The following CUX1 variants were observed in gnomAD, a reference collection of about 807,000 sequenced individuals.
CUX1 encodes the protein cut like homeobox 1.
CUX1 carries 31 observed loss-of-function variants against 158.8 expected under a neutral mutation model. The observed-to-expected ratio is 0.20, with a 90% CI of 0.15 to 0.26. CUX1 has a LOEUF of 0.26. Among genes scored for constraint, CUX1 ranks in the 10% least tolerant of loss-of-function variants. CUX1 has a pLI of 1.00. For missense variants in CUX1, 1,589 were observed against 2,014.6 expected (o/e 0.79, Z 4.04); for synonymous variants, 879 against 862.1 (o/e 1.02, Z -0.34).
intron 8 of CUX1, chr7:102,153,390 CA>C (rs1318226685): frequency 2.0e-5 from 3 of 152,318 alleles, no homozygotes; most frequent in African/African-American, 7.2e-5. Flanking sequence ...TGAAAGCAGC[CA>C]GGGGCGGGCC....
At chr7:101,920,857 A>G (rs1158202182) in intron 2 of CUX1, among the ~76,000 whole-genome samples, 1 of 152,076 alleles carries the variant, frequency 6.6e-6, no homozygotes, top group Non-Finnish European at 1.5e-5. Flanking sequence ...ATTGCTTTCT[A>G]TATTTTTGTT....
rs78367796 is a variant in CUX1, at chr7:102,227,834, G to A, written c.3433+165G>A. On this transcript the variant is annotated intron_variant, in intron 21 of 23. Transcript: ENST00000292535. ...AGTTGTGAACAGTAAGGAGCGTGCC[G>A]TCTGCAGGTCAGTCCCCACCTCCTC... Among the ~76,000 whole-genome samples the A allele has an allele frequency of 3.5e-3, 528 of 152,220 alleles. 6 individuals carry two copies. Among genetic ancestry groups the A allele is most frequent in the African/African-American group, 0.012 (489 of 41,548 alleles).
chr7:101,835,570 A>T (rs772156349), intron 1 of CUX1, among the ~76,000 whole-genome samples: 23 of 151,870 alleles, frequency 1.5e-4, no homozygotes, highest in Non-Finnish European at 2.8e-4. Context: ...TATTTTATTT[A>T]TTTATTTTTT....
chr7:101,928,114 A>G (rs1805830743), intron 2 of CUX1, among the ~76,000 whole-genome samples: 1 of 152,208 alleles, frequency 6.6e-6, no homozygotes, highest in East Asian at 1.9e-4. Context: ...AAAGGGAAGC[A>G]CTGTCATTAG....
chr7:101,833,020 C>T (rs1456539339), intron 1 of CUX1, among the ~76,000 whole-genome samples: 1 of 152,088 alleles, frequency 6.6e-6, no homozygotes, highest in Non-Finnish European at 1.5e-5. Flanking sequence ...GGGGCTGGTT[C>T]CCTGAGAGCA....
intron 2 of CUX1, among the ~76,000 whole-genome samples, chr7:102,012,959 A>T (rs1490502782): frequency 1.3e-5 from 2 of 152,176 alleles, no homozygotes; most frequent in Non-Finnish European, 2.9e-5. Flanking sequence ...TGTGATAAGA[A>T]ACACCTAATT....
intron 1 of CUX1, among the ~76,000 whole-genome samples, chr7:101,904,332 A>C (rs553715744): frequency 6.6e-6 from 1 of 152,198 alleles, no homozygotes; most frequent in South Asian, 2.1e-4. Flanking sequence ...TTATATACTG[A>C]GAAATTTTGT....
Position 101,997,062 on chromosome 7 carries a change from C to T in CUX1, c.142-31036C>T, listed in dbSNP as rs546968001. Among the ~76,000 whole-genome samples the T allele has an allele frequency of 2.6e-3, 403 of 152,258 alleles. 7 individuals are homozygous for T. The highest frequency in any genetic ancestry group is 9.2e-3 in the African/African-American group (381 of 41,508). ...TGGCTCTTGTCTTGTGTCCTCTGAC[C>T]GCCCATCAGGGCCTGCCCATGGGGC... On this transcript the variant is annotated intron_variant, in intron 2 of 23. Transcript: ENST00000292535.
At chr7:102,063,405 T>TTTTTC (rs1563194074) in intron 3 of CUX1, among the ~76,000 whole-genome samples, 36 of 145,430 alleles carry the variant, frequency 2.5e-4, no homozygotes, top group African/African-American at 8.2e-4. Context: ...TTTTTTTTTT[T>TTTTTC]TGAGACGGAG....
At chr7:101,975,161 G>T (rs1812489885) in intron 2 of CUX1, among the ~76,000 whole-genome samples, 1 of 152,128 alleles carries the variant, frequency 6.6e-6, no homozygotes, top group Non-Finnish European at 1.5e-5. Context: ...TGAGGCAGGA[G>T]AATCCCTTGA....
At chr7:101,817,196 C>T (rs1791937314), upstream of CUX1, 2 of 984,400 alleles carry the variant, frequency 2.0e-6, no homozygotes, top group Non-Finnish European at 2.4e-6. This position sits in a 1 kb window ranked among gnomAD's most constrained non-coding sequence, Gnocchi z 4.1. Flanking sequence ...CCCGGGTGCC[C>T]GGGCAGTGTA....
intron 1 of CUX1, among the ~76,000 whole-genome samples, chr7:101,858,228 T>G (rs1797092801): frequency 6.6e-6 from 1 of 152,238 alleles, no homozygotes; most frequent in African/African-American, 2.4e-5. Context: ...TCCTTAAGAA[T>G]AAAGTTAAGC....
chr7:101,830,744 C>G (rs1174589146), intron 1 of CUX1, among the ~76,000 whole-genome samples: 3 of 152,140 alleles, frequency 2.0e-5, no homozygotes. Flanking sequence ...TAAGCGTGAG[C>G]CACCACGCCT....
intron 1 of CUX1, among the ~76,000 whole-genome samples, chr7:101,875,960 C>T (rs1385678745): frequency 5.9e-5 from 9 of 152,054 alleles, no homozygotes; most frequent in Non-Finnish European, 7.3e-5. Flanking sequence ...CTATGACTGC[C>T]GATGGTTTGG....
intron 23 of CUX1, among the ~76,000 whole-genome samples, chr7:102,241,270 A>G (rs1239416109): frequency 6.6e-6 from 1 of 152,222 alleles, no homozygotes; most frequent in African/African-American, 2.4e-5. Context: ...GTTGCTGATC[A>G]TAGCTATAAC....
At chr7:102,199,554 T>C (rs1795175853) in intron 16 of CUX1, among the ~76,000 whole-genome samples, 1 of 152,226 alleles carries the variant, frequency 6.6e-6, no homozygotes, top group Non-Finnish European at 1.5e-5. Context: ...TAAAAAGATA[T>C]TATGTGATAA....
chr7:102,007,936 G>C (rs1252468937), intron 2 of CUX1, among the ~76,000 whole-genome samples: 1 of 152,024 alleles, frequency 6.6e-6, no homozygotes, highest in Non-Finnish European at 1.5e-5. Flanking sequence ...GTAGAGGCAA[G>C]GTTTCACCAT....
intron 8 of CUX1, among the ~76,000 whole-genome samples, chr7:102,147,907 C>T (rs1186023548): frequency 6.6e-6 from 1 of 151,926 alleles, no homozygotes; most frequent in Non-Finnish European, 1.5e-5. Flanking sequence ...GCTGAGGAGG[C>T]GGAGGTTACA....
chr7:102,262,804 G>C (rs1185877828), downstream of CUX1, among the ~76,000 whole-genome samples: 1 of 152,186 alleles, frequency 6.6e-6, no homozygotes, highest in Non-Finnish European at 1.5e-5. Flanking sequence ...CCGCGGGGTA[G>C]TATCCACTCG....
Sources: gnomAD v4.1 joint callset for allele counts (sites outside exome capture counted in the v4.1 genomes callset) on GRCh38, gnomAD v4.1.1 for gene constraint, Gnocchi (gnomAD v3.1) non-coding constraint, MANE v1.5 for transcripts, NCBI Gene and HGNC (gene_info 2026-07-23, HGNC 2026-07-21) for gene names.